The following TRERF1 variants were observed in gnomAD, a reference collection of about 807,000 sequenced individuals.
TRERF1 encodes the protein transcriptional regulating factor 1.
Under a neutral mutation model 122.9 loss-of-function variants are expected in TRERF1, and 27 were observed. The ratio of observed to expected loss-of-function variants is 0.22; its 90% confidence interval spans 0.16 to 0.30. The LOEUF (loss-of-function observed/expected upper bound fraction) is 0.30, where lower values mean the gene tolerates loss of function less well. Ranked by LOEUF, TRERF1 falls within the 10% of genes least tolerant of loss-of-function variation. The probability of loss-of-function intolerance (pLI) is 1.00; values close to 1 mark genes in which losing one functional copy is unlikely to be tolerated. For missense variants in TRERF1, 1,248 were observed against 1,560.3 expected (o/e 0.80, Z 3.37); for synonymous variants, 636 against 641.7 (o/e 0.99, Z 0.13).
chr6:42,390,525 C>T (rs1777548625), intron 2 of TRERF1, among the ~76,000 whole-genome samples: 1 of 152,234 alleles, frequency 6.6e-6, no homozygotes, highest in Non-Finnish European at 1.5e-5. Context: ...CTGTTGCTTC[C>T]TCACCTCGTA....
At chr6:42,282,963 T>C (rs1450131059) in intron 4 of TRERF1, among the ~76,000 whole-genome samples, 2 of 152,222 alleles carry the variant, frequency 1.3e-5, no homozygotes, top group Admixed American at 6.5e-5. Context: ...TTCATTAACA[T>C]TGACCTCACA....
chr6:42,343,558 G>A (rs1409048326), intron 3 of TRERF1, among the ~76,000 whole-genome samples: 3 of 152,182 alleles, frequency 2.0e-5, no homozygotes, highest in Admixed American at 6.5e-5. Context: ...ACTGACTCTA[G>A]ACACTGGTCC....
intron 5 of TRERF1, 111 bp from the exon 6 acceptor site, chr6:42,265,908 G>T: frequency 1.7e-6 from 2 of 1,154,178 alleles, no homozygotes; most frequent in Non-Finnish European, 2.5e-6. Context: ...GACTCTTTCT[G>T]CTGTCTGCTT....
chr6:42,330,085 T>C (rs1430118816), intron 3 of TRERF1, among the ~76,000 whole-genome samples: 1 of 152,170 alleles, frequency 6.6e-6, no homozygotes, highest in Non-Finnish European at 1.5e-5. Flanking sequence ...TCCCTCTGCA[T>C]ATTAATATCC....
intron 2 of TRERF1, among the ~76,000 whole-genome samples, chr6:42,395,727 C>A (rs536677847): frequency 1.3e-5 from 2 of 152,068 alleles, no homozygotes; most frequent in South Asian, 4.2e-4. Context: ...AGGTTCTCTT[C>A]CAGTGTTTCA....
intron 14 of TRERF1, among the ~76,000 whole-genome samples, chr6:42,244,430 T>C (rs1024765982): frequency 6.6e-6 from 1 of 152,168 alleles, no homozygotes; most frequent in Non-Finnish European, 1.5e-5. Flanking sequence ...GTGATCCGCC[T>C]GCCTTGGCCT....
In TRERF1 at chr6:42,436,368, C is replaced by CA. The variant is rs10713410; in HGVS notation, c.-454+14808dup. Reference sequence around the variant, plus strand: ...TGGGTGACAGAGTGAGACTCCGTCTCAAAAAAAAAAAGGATAATAAGCAAC... The same window carrying CA: ...TGGGTGACAGAGTGAGACTCCGTCTCAAAAAAAAAAAAGGATAATAAGCAAC... On this transcript the variant is annotated intron_variant, in intron 2 of 17. Transcript: ENST00000372922. Among the ~76,000 whole-genome samples, 44 of 144,100 alleles carry CA rather than the reference C, an allele frequency of 3.1e-4. 1 individual carries two copies. In the South Asian group the frequency reaches 4.1e-3, roughly 13 times the overall value. 94.5% of individuals were successfully genotyped at this position (144,100 alleles called of 152,430 possible).
At chr6:42,367,416 C>G (rs371571803) in intron 2 of TRERF1, among the ~76,000 whole-genome samples, 3 of 152,176 alleles carry the variant, frequency 2.0e-5, no homozygotes, top group African/African-American at 7.2e-5. Flanking sequence ...CACAAAGCTC[C>G]GAGCCTCTGA....
intron 2 of TRERF1, among the ~76,000 whole-genome samples, chr6:42,377,201 C>T (rs1002120277): frequency 3.3e-5 from 5 of 152,352 alleles, no homozygotes; most frequent in African/African-American, 7.2e-5. Flanking sequence ...CCAAAAACTT[C>T]ACTCTTTTTT....
chr6:42,300,429 A>G (rs1042236334), intron 4 of TRERF1, among the ~76,000 whole-genome samples: 2 of 152,174 alleles, frequency 1.3e-5, no homozygotes, highest in African/African-American at 4.8e-5. Context: ...TAGACACTCA[A>G]CTCAGTCCTT....
intron 3 of TRERF1, among the ~76,000 whole-genome samples, chr6:42,312,483 G>A (rs551323687): frequency 1.3e-5 from 2 of 152,284 alleles, no homozygotes; most frequent in South Asian, 2.1e-4. Flanking sequence ...CTTACAAAAC[G>A]CACAACAGGC....
intron 14 of TRERF1, 146 bp downstream of exon 14, chr6:42,246,310 C>T (rs907594410): frequency 4.6e-6 from 3 of 658,100 alleles, no homozygotes; most frequent in African/African-American, 1.8e-5. Flanking sequence ...CATACCACCC[C>T]TATCTCCACT....
chr6:42,388,148 A>C (rs1777112167), intron 2 of TRERF1, among the ~76,000 whole-genome samples: 1 of 152,184 alleles, frequency 6.6e-6, no homozygotes, highest in Non-Finnish European at 1.5e-5. Flanking sequence ...TCAGGGTATC[A>C]AAACCAATTG....
intron 13 of TRERF1, among the ~76,000 whole-genome samples, chr6:42,250,427 G>A (rs963784594): frequency 6.6e-6 from 1 of 152,160 alleles, no homozygotes; most frequent in Non-Finnish European, 1.5e-5. Flanking sequence ...AGGCTCAGAT[G>A]TCTCTCTTTC....
Position 42,349,446 on chromosome 6 carries a change from G to A in TRERF1, c.-371+13551C>T, listed in dbSNP as rs76343334. Among the ~76,000 whole-genome samples the A allele has an allele frequency of 1.5e-3, 223 of 152,098 alleles. 1 individual carries two copies. The highest frequency in any genetic ancestry group is 0.012 in the East Asian group (63 of 5,178). ...TTGGTTTTCAGGTAATCAACTAACT[G>A]ATAGGGAATGAATGAAAATATGGTT... On this transcript the variant is annotated intron_variant, in intron 3 of 17. Coordinates refer to ENST00000372922, the Ensembl canonical transcript of TRERF1.
At chr6:42,402,578 A>G (rs536870778) in intron 2 of TRERF1, among the ~76,000 whole-genome samples, 174 of 152,332 alleles carry the variant, frequency 1.1e-3, no homozygotes, top group Non-Finnish European at 1.6e-3. Context: ...CTCACTTCTT[A>G]TAAGTCATTT....
At chr6:42,411,330 C>T (rs1352450137) in intron 2 of TRERF1, among the ~76,000 whole-genome samples, 1 of 152,174 alleles carries the variant, frequency 6.6e-6, no homozygotes, top group Non-Finnish European at 1.5e-5. Context: ...GTAATTTACC[C>T]AGAGTCACAC....
chr6:42,227,657 G>C (rs1769727811), exon 18 of TRERF1: 1 of 152,230 alleles, frequency 6.6e-6, no homozygotes, highest in Non-Finnish European at 1.5e-5. Flanking sequence ...TAGAAAACCA[G>C]GTCCTCAGTA....
chr6:42,445,554 G>GC (rs1787357113), intron 2 of TRERF1, among the ~76,000 whole-genome samples: 1 of 151,946 alleles, frequency 6.6e-6, no homozygotes, highest in South Asian at 2.1e-4. Flanking sequence ...TCTCCACTTT[G>GC]AGTCTAATAG....
Sources: gnomAD v4.1 joint callset for allele counts (sites outside exome capture counted in the v4.1 genomes callset) on GRCh38, gnomAD v4.1.1 for gene constraint, MANE v1.5 for transcripts, NCBI Gene and HGNC (gene_info 2026-07-23, HGNC 2026-07-21) for gene names.